Variants in TRIM5 observed in about 807,000 individuals in gnomAD.
TRIM5 encodes tripartite motif containing 5.
Under a neutral mutation model 35.6 loss-of-function variants are expected in TRIM5, and 31 were observed. The ratio of observed to expected loss-of-function variants is 0.87; its 90% CI spans 0.65 to 1.18. TRIM5 has a LOEUF of 1.18. Ranked by LOEUF, TRIM5 falls within the 50% of genes most tolerant of loss-of-function variation. The pLI is 0.00. For missense variants in TRIM5, 609 were observed against 591.6 expected, an observed-to-expected ratio of 1.03 and a Z score of -0.31; for synonymous variants, 243 against 215.6, an observed-to-expected ratio of 1.13 and a Z score of -1.11.
the TRIM5 span, among the ~76,000 whole-genome samples, chr11:5,617,910 GA>G: frequency 2.0e-5 from 3 of 152,178 alleles, no homozygotes; most frequent in African/African-American, 7.2e-5. Context: ...GGACACATAT[GA>G]AGTGGCAGAA....
At chr11:5,591,669 G>A in the TRIM5 span, among the ~76,000 whole-genome samples, 2 of 152,040 alleles carry the variant, frequency 1.3e-5, no homozygotes, top group African/African-American at 2.4e-5. Context: ...AAAAATTAAT[G>A]AGGTATGATC....
chr11:5,615,584 TTTTG>T, the TRIM5 span, among the ~76,000 whole-genome samples: 4 of 113,592 alleles, frequency 3.5e-5, no homozygotes, highest in Admixed American at 8.2e-5. Context: ...TTTGTTTTTT[TTTTG>T]TTGTTGTTGT....
At chr11:5,592,273 T>A in the TRIM5 span, among the ~76,000 whole-genome samples, 1 of 152,238 alleles carries the variant, frequency 6.6e-6, no homozygotes, top group Non-Finnish European at 1.5e-5. Context: ...TTCATTATAG[T>A]TAATAATGCT....
At chr11:5,588,709 G>A in the TRIM5 span, among the ~76,000 whole-genome samples, 3 of 150,066 alleles carry the variant, frequency 2.0e-5, no homozygotes, top group South Asian at 6.4e-4. Flanking sequence ...GACATCAATT[G>A]TGATTAGAAT....
chr11:5,605,260 C>G, the TRIM5 span: 12 of 1,601,814 alleles, frequency 7.5e-6, no homozygotes, highest in Non-Finnish European at 1.0e-5. Flanking sequence ...AGTCCTGAGC[C>G]CAACTTCCCC....
At chr11:5,633,028 C>T in the TRIM5 span, among the ~76,000 whole-genome samples, 5 of 141,562 alleles carry the variant, frequency 3.5e-5, 1 homozygote, top group South Asian at 2.2e-4. Context: ...TTAGTAGAGA[C>T]GGGATTTCAC....
At chr11:5,668,005 C>T (rs973991509) in intron 4 of TRIM5, among the ~76,000 whole-genome samples, 6 of 152,128 alleles carry the variant, frequency 3.9e-5, no homozygotes, top group South Asian at 2.1e-4. Context: ...TTTCTCCAAA[C>T]GTATATGGCT....
chr11:5,634,969 C>T, the TRIM5 span: 12 of 1,196,010 alleles, frequency 1.0e-5, no homozygotes, highest in South Asian at 9.5e-5. Flanking sequence ...CTTGCAGTGC[C>T]GCCTTGTCGT....
At chr11:5,594,747 T>C in the TRIM5 span, among the ~76,000 whole-genome samples, 2 of 152,138 alleles carry the variant, frequency 1.3e-5, no homozygotes, top group Non-Finnish European at 2.9e-5. Context: ...GGCTTCTCCA[T>C]CCCTTTTCCA....
the TRIM5 span, among the ~76,000 whole-genome samples, chr11:5,623,370 TA>T: frequency 6.6e-6 from 1 of 151,892 alleles, no homozygotes; most frequent in Non-Finnish European, 1.5e-5. Flanking sequence ...TGTTTATTTT[TA>T]TTTTTTTATT....
chr11:5,672,410 G>T (rs1388947044), intron 4 of TRIM5, among the ~76,000 whole-genome samples: 1 of 151,936 alleles, frequency 6.6e-6, no homozygotes, highest in African/African-American at 2.4e-5. Context: ...TGGGGTTTCT[G>T]CATGTTGGCC....
chr11:5,604,579 G>A, the TRIM5 span: 1 of 1,613,296 alleles, frequency 6.2e-7, no homozygotes, highest in Non-Finnish European at 8.5e-7. Context: ...CGAGGAGCAG[G>A]AAGCTGAGAA....
At position 5,678,192 on chromosome 11, in the gene TRIM5, T is replaced by A; in HGVS notation, c.744+12A>T. 1.3e-6 allele frequency: 2 copies of A among 1,595,056 alleles called. No homozygotes were observed. The highest frequency in any genetic ancestry group is 1.7e-6 in the Non-Finnish European group (2 of 1,167,610). On this transcript the variant is annotated intron_variant, in intron 4 of 7. Transcript: ENST00000380034. ...TTTAATCTCAGTGCTCAGGCTTCTT[T>A]CCACTTTTTACCTGAAGCAGCTCCA...
At chr11:5,681,140 T>C (rs4992798) in intron 1 of TRIM5, among the ~76,000 whole-genome samples, 84,129 of 151,916 alleles carry the variant, frequency 0.55, 23,419 homozygotes, top group African/African-American at 0.6. Context: ...CCACACATGT[T>C]GGATACTTGA....
At chr11:5,607,047 CA>C in the TRIM5 span, among the ~76,000 whole-genome samples, 10 of 152,014 alleles carry the variant, frequency 6.6e-5, no homozygotes, top group East Asian at 1.4e-3. Flanking sequence ...ACTAAAAACA[CA>C]AAAAAATTAG....
the TRIM5 span, chr11:5,605,443 A>C: frequency 6.2e-7 from 1 of 1,614,176 alleles, no homozygotes; most frequent in South Asian, 1.1e-5. Flanking sequence ...GAACAGGAAG[A>C]GAAGAAGGGG....
the TRIM5 span, chr11:5,643,855 G>A: frequency 9.6e-7 from 1 of 1,042,038 alleles, no homozygotes; most frequent in African/African-American, 1.6e-5. Flanking sequence ...TATTTGGCTT[G>A]AGTTATGAGA....
the TRIM5 span, among the ~76,000 whole-genome samples, chr11:5,599,125 ATATT>A: frequency 3.3e-5 from 5 of 152,170 alleles, no homozygotes; most frequent in African/African-American, 1.2e-4. Context: ...CTTGTTGTAT[ATATT>A]AACAGTTTAA....
the TRIM5 span, among the ~76,000 whole-genome samples, chr11:5,649,073 C>T: frequency 0.63 from 95,371 of 152,024 alleles, 30,541 homozygotes; most frequent in African/African-American, 0.76. Context: ...GATCAACATA[C>T]ACATATCTGT....
Sources: allele counts gnomAD v4.1 joint callset (sites outside exome capture counted in the v4.1 genomes callset), GRCh38; gene constraint gnomAD v4.1.1; transcripts MANE v1.5; gene names NCBI Gene and HGNC (gene_info 2026-07-23, HGNC 2026-07-21).